The following GSTT2B variants were observed in gnomAD, a reference collection of about 807,000 sequenced individuals.
The protein encoded by GSTT2B is glutathione S-transferase theta 2B.
A neutral mutation model predicts 16.6 loss-of-function variants in GSTT2B; 4 were observed. The ratio of observed to expected loss-of-function variants is 0.24; its 90% CI spans 0.12 to 0.55. The LOEUF is 0.55. Ranked by LOEUF, GSTT2B falls within the 20% of genes least tolerant of loss-of-function variation. The pLI, the probability that GSTT2B is intolerant of heterozygous loss-of-function variation, is 0.94. For missense variants in GSTT2B, 27 were observed against 266.1 expected (o/e 0.10, Z 6.25); for synonymous variants, 9 against 110.9 (o/e 0.08, Z 5.77).
intron 2 of GSTT2B, among the ~76,000 whole-genome samples, 196 bp downstream of exon 2, chr22:23,960,098 C>T (rs1269973840): frequency 1.3e-5 from 2 of 149,300 alleles, no homozygotes; most frequent in African/African-American, 2.4e-5. Context: ...GTCTCCTGAC[C>T]TCGTGATCCG....
In GSTT2B at chr22:23,960,521, C is replaced by T. The variant is rs1266864233; in HGVS notation, c.113-140G>A. The stretch of plus-strand genomic sequence containing the variant: ...CTAGAGGCCTGGATCAGCCTCACTC[C>T]CTGGCTGGGCCTCCCTGCCCTGCCA... On this transcript the variant is annotated intron_variant, in intron 1 of 4. Transcript: ENST00000290765. 3.1e-6 allele frequency: 3 copies of T among 961,024 alleles called. No individual in the cohort carries two copies. The African/African-American group carries it at 5.1e-5, about 16-fold the overall frequency. The allele number at this position is 961,024 out of a possible 1,614,324, so 59.5% of individuals were successfully genotyped here. A position where few individuals can be genotyped will look rare whatever the true frequency, so the allele number is the denominator to read the frequency against.
rs776133556 is a variant in GSTT2B, at chr22:23,960,329, C to G, written c.165G>C (p.Pro55=). The change falls in exon 2 of 5, where the codon CCG becomes CCC. Residue 55 remains proline (P), a synonymous_variant. Coordinates refer to ENST00000290765, the MANE Select transcript of GSTT2B (RefSeq NM_001080843.4). ...AGATGAAATCACCATCCTTGAGCGT[C>G]GGCAGTTTCCCCAGGCTGTTGATCT... ...FLQINSLGKL[P]TLKDGDFILT... The G allele has an allele frequency of 1.7e-5, 27 of 1,612,450 alleles. No homozygotes were observed. The highest frequency in any genetic ancestry group is 2.1e-5 in the Non-Finnish European group (25 of 1,179,128).
chr22:23,960,031 T>C (rs6003995), intron 2 of GSTT2B, among the ~76,000 whole-genome samples: 100,385 of 131,990 alleles, frequency 0.76, 37,244 homozygotes, highest in Non-Finnish European at 0.81. Flanking sequence ...GCCCGGTTAA[T>C]TTTTTTTCCA....
intron 4 of GSTT2B, 129 bp downstream of exon 4, chr22:23,958,156 G>GC (rs1330343695): frequency 9.9e-6 from 6 of 608,082 alleles, no homozygotes; most frequent in African/African-American, 6.3e-5. Context: ...CAGGGTTCTG[G>GC]CCCCAGATCA....
At chr22:23,960,196 C>G (rs2033823691) in intron 2 of GSTT2B, 98 bp downstream of exon 2, 1 of 1,440,160 alleles carries the variant, frequency 6.9e-7, no homozygotes, top group Non-Finnish European at 9.8e-7. Flanking sequence ...CCTCGCTGCC[C>G]CATGGGGTAT....
intron 2 of GSTT2B, 71 bp downstream of exon 2, chr22:23,960,223 C>G: frequency 6.4e-7 from 1 of 1,570,758 alleles, no homozygotes; most frequent in Non-Finnish European, 8.8e-7. Context: ...GCCACTGGGG[C>G]CCGGGGCCAG....
intron 2 of GSTT2B, among the ~76,000 whole-genome samples, chr22:23,959,581 C>G (rs2033812256): frequency 9.9e-6 from 1 of 101,050 alleles, no homozygotes; most frequent in Admixed American, 1.0e-4. Flanking sequence ...ACGGAGTCTC[C>G]CTCTGTCGCC....
chr22:23,960,373 T>A lies in GSTT2B; in HGVS notation c.121A>T (p.Lys41Ter). ...TTGATCTGCAAGAACTCCTTGCTCT[T>A]GTGCTGCCCTGAAGAGGAAGAAGTC... ...RTVDLVKGQH[K>*]SKEFLQINSL... Residue 41 changes from lysine (K) to a stop codon, truncating the protein, a stop_gained, in exon 2 of 5, where the codon AAG (lysine) becomes TAG (stop). Coordinates refer to ENST00000290765, the MANE Select transcript of GSTT2B (RefSeq NM_001080843.4). LOFTEE classifies it high-confidence loss of function. The A allele has an allele frequency of 6.2e-7, 1 of 1,610,714 alleles. No homozygotes were observed. Among genetic ancestry groups the A allele is most frequent in the Non-Finnish European group, 8.5e-7 (1 of 1,178,296 alleles).
Position 23,960,335 on chromosome 22 carries a change from T to G in GSTT2B, c.159A>C (p.Lys53Asn). 6.2e-7 allele frequency: 1 copy of G among 1,612,332 alleles called. No individual in the cohort carries two copies. Among genetic ancestry groups the G allele is most frequent in the South Asian group, 1.1e-5 (1 of 90,984 alleles). ...AATCACCATCCTTGAGCGTCGGCAGTTTCCCCAGGCTGTTGATCTGCAAGA... is the reference window on the plus strand; with the variant it reads ...AATCACCATCCTTGAGCGTCGGCAGGTTCCCCAGGCTGTTGATCTGCAAGA... ...KEFLQINSLGKLPTLKDGDFI... is the reference protein window; with the variant it reads ...KEFLQINSLGNLPTLKDGDFI... The change falls in exon 2 of 5, where the codon AAA becomes AAC. Residue 53 changes from lysine to asparagine, a missense_variant. Lys to Asn is a moderately conservative substitution (Grantham distance 94, BLOSUM62 0). Transcript: ENST00000290765.
At chr22:23,959,924 CG>C (rs1465346511) in intron 2 of GSTT2B, among the ~76,000 whole-genome samples, 2 of 90,714 alleles carry the variant, frequency 2.2e-5, no homozygotes, top group African/African-American at 6.7e-5. Flanking sequence ...AGTGCAGTGG[CG>C]CGATCTCAGC....
intron 1 of GSTT2B, 21 bp from the exon 2 acceptor site, chr22:23,960,402 A>G (rs2033828284): frequency 6.2e-7 from 1 of 1,603,910 alleles, no homozygotes; most frequent in East Asian, 2.3e-5. Flanking sequence ...AGAAGTCAGA[A>G]AAGGTCTTCA....
intron 2 of GSTT2B, 105 bp downstream of exon 2, chr22:23,960,189 C>G (rs2033823571): frequency 7.3e-7 from 1 of 1,376,040 alleles, no homozygotes; most frequent in Non-Finnish European, 1.0e-6. Context: ...TCCCCTCCCT[C>G]GCTGCCCCAT....
At position 23,958,352 on chromosome 22, in the gene GSTT2B, T is replaced by TC. The variant is rs751129507; in HGVS notation, c.457dup (p.Asp153GlyfsTer14). 4.7e-5 allele frequency: 66 copies of TC among 1,416,498 alleles called. No individual in the cohort carries two copies. The highest frequency in any genetic ancestry group is 5.8e-5 in the Non-Finnish European group (59 of 1,012,728). The allele number at this position is 1,416,498 out of a possible 1,614,324, so 87.7% of individuals were successfully genotyped here. ...CTGCTGGCCAGCGAGGAAGGGCCTG[T>TC]CCCCCAGGAACTTGTCCTCCAGCCA... On this transcript the variant is annotated frameshift_variant, in exon 4 of 5. Transcript: ENST00000290765. LOFTEE classifies it high-confidence loss of function.
rs1408689226 is a variant in GSTT2B, at chr22:23,960,373, T to C, written c.121A>G (p.Lys41Glu). The change falls in exon 2 of 5, where the codon AAG becomes GAG. Residue 41 changes from lysine (K) to glutamate (E), a missense_variant. Lys to Glu is a moderately conservative substitution (Grantham distance 56). Transcript: ENST00000290765. ...RTVDLVKGQH[K>E]SKEFLQINSL... is the part of the protein sequence containing the mutation. ...TTGATCTGCAAGAACTCCTTGCTCT[T>C]GTGCTGCCCTGAAGAGGAAGAAGTC... The C allele has an allele frequency of 6.2e-7, 1 of 1,610,714 alleles. No individual in the cohort carries two copies. Among genetic ancestry groups the C allele is most frequent in the South Asian group, 1.1e-5 (1 of 90,890 alleles).
chr22:23,960,369 C>A lies in GSTT2B; in HGVS notation c.125G>T (p.Ser42Ile). ...GCTGTTGATCTGCAAGAACTCCTTG[C>A]TCTTGTGCTGCCCTGAAGAGGAAGA... ...TVDLVKGQHKSKEFLQINSLG... is the reference protein window; with the variant it reads ...TVDLVKGQHKIKEFLQINSLG... Residue 42 changes from serine (S) to isoleucine (I), a missense_variant, in exon 2 of 5, where the codon AGC (serine) becomes ATC (isoleucine). Physicochemically the swap from Ser to Ile is moderately radical, Grantham distance 142. Transcript: ENST00000290765. The A allele has an allele frequency of 6.2e-7, 1 of 1,611,062 alleles. No homozygotes were observed. Among genetic ancestry groups the A allele is most frequent in the Non-Finnish European group, 8.5e-7 (1 of 1,178,448 alleles).
Position 23,960,329 on chromosome 22 carries a change from C to T in GSTT2B, c.165G>A (p.Pro55=), listed in dbSNP as rs776133556. 37 of 1,612,452 alleles carry T rather than the reference C, an allele frequency of 2.3e-5. No homozygotes were observed. The highest frequency in any genetic ancestry group is 1.6e-4 in the Middle Eastern group (1 of 6,078). ...AGATGAAATCACCATCCTTGAGCGT[C>T]GGCAGTTTCCCCAGGCTGTTGATCT... ...FLQINSLGKL[P]TLKDGDFILT... Residue 55 remains proline, a synonymous_variant, in exon 2 of 5, where the codon CCG becomes CCA. Coordinates refer to ENST00000290765, the MANE Select transcript of GSTT2B (RefSeq NM_001080843.4).
chr22:23,960,242 G>A, intron 2 of GSTT2B, 52 bp downstream of exon 2: 1 of 1,603,922 alleles, frequency 6.2e-7, no homozygotes, highest in Non-Finnish European at 8.5e-7. Context: ...AGTGGGGAGA[G>A]CCAAGGTCAC....
chr22:23,960,021 G>A (rs867894251), intron 2 of GSTT2B, among the ~76,000 whole-genome samples: 6,152 of 140,858 alleles, frequency 0.044, 69 homozygotes, highest in African/African-American at 0.069. Flanking sequence ...CCGCCACCAC[G>A]CCCGGTTAAT....
intron 2 of GSTT2B, among the ~76,000 whole-genome samples, chr22:23,960,050 A>G (rs950827415): frequency 3.4e-5 from 5 of 148,480 alleles, no homozygotes; most frequent in Non-Finnish European, 6.0e-5. Flanking sequence ...CATTTTTAGT[A>G]GAGACGGTGT....
Sources: allele counts gnomAD v4.1 joint callset (sites outside exome capture counted in the v4.1 genomes callset), GRCh38; gene constraint gnomAD v4.1.1; transcripts MANE v1.5; gene names NCBI Gene and HGNC (gene_info 2026-07-23, HGNC 2026-07-21).